BCAS3: variants seen among roughly 807,000 people sequenced by gnomAD.
The protein encoded by BCAS3 is BCAS3 microtubule associated cell migration factor, also known as BCAS4/BCAS3 fusion.
Under a neutral mutation model 116.1 loss-of-function variants are expected in BCAS3, and 53 were observed. The ratio of observed to expected loss-of-function variants is 0.46; its 90% CI spans 0.37 to 0.57. The LOEUF is 0.57. Ranked by LOEUF, BCAS3 falls within the 20% of genes least tolerant of loss-of-function variation. BCAS3 has a pLI of 0.00. For missense variants in BCAS3, 917 were observed against 1,165.4 expected (o/e 0.79, Z 3.10); for synonymous variants, 391 against 408.2 (o/e 0.96, Z 0.51).
At chr17:61,274,308 A>G (rs1184431752) in intron 22 of BCAS3, among the ~76,000 whole-genome samples, 1 of 71,736 alleles carries the variant, frequency 1.4e-5, no homozygotes, top group African/African-American at 6.6e-5. Context: ...TTTTTTTTTG[A>G]GACAAGTTCT....
At chr17:60,988,335 TTTC>T (rs2063294320) in intron 14 of BCAS3, among the ~76,000 whole-genome samples, 1 of 111,936 alleles carries the variant, frequency 8.9e-6, no homozygotes, top group Non-Finnish European at 1.7e-5. Flanking sequence ...TTCTTTTCTT[TTTC>T]TTTTTTTTTT....
chr17:60,974,718 C>T (rs542887250), intron 14 of BCAS3, among the ~76,000 whole-genome samples: 2 of 152,216 alleles, frequency 1.3e-5, no homozygotes, highest in South Asian at 2.1e-4. Context: ...ATTACATAAC[C>T]TAACATAAAT....
At chr17:60,948,367 A>G (rs1043739679) in intron 14 of BCAS3, among the ~76,000 whole-genome samples, 2 of 152,010 alleles carry the variant, frequency 1.3e-5, no homozygotes, top group African/African-American at 2.4e-5. Flanking sequence ...CTCGTGATCC[A>G]CCCACTTCAG....
rs561161392 is a variant in BCAS3, at chr17:61,097,097, G to A, written c.2425+12533G>A. Among the ~76,000 whole-genome samples, 4 of 152,290 alleles carry A rather than the reference G, an allele frequency of 2.6e-5. No individual in the cohort carries two copies. The highest frequency in any genetic ancestry group is 6.5e-5 in the Admixed American group (1 of 15,284). ...TTAATAAACACAAAGAAAACCATAC[G>A]TAGACATATTATAATCAAACTGTTC... On this transcript the variant is annotated intron_variant, in intron 22 of 23. Coordinates refer to ENST00000407086, the MANE Select transcript of BCAS3 (RefSeq NM_017679.5). The surrounding 1 kb of genome is among the most constrained non-coding windows in gnomAD (Gnocchi z 4.0).
Position 60,990,297 on chromosome 17 carries a change from G to A in BCAS3, c.1486+62G>A, listed in dbSNP as rs2063442775. ...CCTTCCCTTTGTCCTTATTTTTACA[G>A]ATCTGGGATAAAACTAAACTTGTTA... On this transcript the variant is annotated intron_variant, in intron 15 of 23. Transcript: ENST00000407086. The surrounding 1 kb of genome is among the most constrained non-coding windows in gnomAD (Gnocchi z 5.1). The A allele has an allele frequency of 5.2e-6, 8 of 1,547,658 alleles. No homozygotes were observed. The highest frequency in any genetic ancestry group is 1.4e-5 in the African/African-American group (1 of 72,754).
At chr17:61,173,656 A>C (rs2078983292) in intron 22 of BCAS3, among the ~76,000 whole-genome samples, 1 of 152,138 alleles carries the variant, frequency 6.6e-6, no homozygotes, top group Non-Finnish European at 1.5e-5. Flanking sequence ...AGGCTGAAGG[A>C]TCACTAGAGG....
intron 15 of BCAS3, among the ~76,000 whole-genome samples, chr17:60,991,200 A>AT (rs1322913070): frequency 1.3e-5 from 2 of 152,166 alleles, no homozygotes; most frequent in Non-Finnish European, 2.9e-5. Context: ...TGTAAATGGA[A>AT]TTGTAGAGTA....
At chr17:60,966,598 G>A (rs1447414281) in intron 14 of BCAS3, among the ~76,000 whole-genome samples, 1 of 150,698 alleles carries the variant, frequency 6.6e-6, no homozygotes, top group Non-Finnish European at 1.5e-5. Flanking sequence ...AAATAGAAGA[G>A]TAGAAACAAA....
chr17:61,206,847 C>T (rs1025560884), intron 22 of BCAS3, among the ~76,000 whole-genome samples: 2 of 148,404 alleles, frequency 1.3e-5, no homozygotes, highest in African/African-American at 4.9e-5. Context: ...GGGGGAATCC[C>T]CTATGAATGT....
chr17:60,739,879 TTTTG>T (rs2041360997), intron 5 of BCAS3, among the ~76,000 whole-genome samples: 1 of 151,832 alleles, frequency 6.6e-6, no homozygotes, highest in African/African-American at 2.4e-5. Context: ...TTTTTTTTGT[TTTTG>T]TTTTTTTTTT....
intron 7 of BCAS3, among the ~76,000 whole-genome samples, chr17:60,853,558 G>A (rs1441444772): frequency 6.6e-6 from 1 of 152,072 alleles, no homozygotes; most frequent in Non-Finnish European, 1.5e-5. Context: ...AGGAAACTTA[G>A]ACAAACATTC....
rs1314882539 is a variant in BCAS3 at position 61,327,215 on chromosome 17, TC to T, written c.2426-41111del. Among the ~76,000 whole-genome samples, 2 of 151,904 alleles carry T rather than the reference TC, an allele frequency of 1.3e-5. No homozygotes were observed. Among genetic ancestry groups the T allele is most frequent in the Non-Finnish European group, 2.9e-5 (2 of 67,970 alleles). On this transcript the variant is annotated intron_variant, in intron 22 of 23. Transcript: ENST00000407086. The surrounding 1 kb of genome is among the most constrained non-coding windows in gnomAD (Gnocchi z 5.9). ...CTACTAGGGAGGCTGAGGCAGGAGA[TC>T]ACTTGAACTCAGGAGGTAGAGGTTG...
chr17:61,173,158 A>G (rs1263765295), intron 22 of BCAS3, among the ~76,000 whole-genome samples: 1 of 151,390 alleles, frequency 6.6e-6, no homozygotes, highest in African/African-American at 2.4e-5. Flanking sequence ...AAAATTAGAA[A>G]TTGTTTTGAG....
At chr17:60,996,844 T>A (rs1305140841) in intron 15 of BCAS3, among the ~76,000 whole-genome samples, 3 of 152,188 alleles carry the variant, frequency 2.0e-5, no homozygotes, top group Non-Finnish European at 4.4e-5. Flanking sequence ...AGAGGCCAAG[T>A]GAATTAATTC....
chr17:60,958,896 C>G (rs1325151407), intron 14 of BCAS3, among the ~76,000 whole-genome samples: 3 of 152,180 alleles, frequency 2.0e-5, no homozygotes, highest in Admixed American at 1.3e-4. Context: ...AAAGATTAGT[C>G]TTTTCCACAA....
rs1308576383 is a variant in BCAS3 at position 61,241,227 on chromosome 17, G to A, written c.2426-127100G>A. Reference sequence around the variant, plus strand: ...TCAGTGAGGACTCTGTTATTACTACGAATTTGTAGGTTGGTATTTAGCTTA... The same window carrying A: ...TCAGTGAGGACTCTGTTATTACTACAAATTTGTAGGTTGGTATTTAGCTTA... On this transcript the variant is annotated intron_variant, in intron 22 of 23. Transcript: ENST00000407086. This position sits in a 1 kb window ranked among gnomAD's most constrained non-coding sequence, Gnocchi z 4.6. 1.3e-5 allele frequency among the ~76,000 whole-genome samples: 2 copies of A among 152,090 alleles called. No homozygotes were observed. Among genetic ancestry groups the A allele is most frequent in the East Asian group, 1.9e-4 (1 of 5,180 alleles).
chr17:61,333,075 AC>A lies in BCAS3; in HGVS notation c.2426-35251del, dbSNP rs2056418934. ...TACACTGCTGCAGCCTGGAGGTTCC[AC>A]AAGCCCTTTCTCATAGACCCCAGCA... On this transcript the variant is annotated intron_variant, in intron 22 of 23. Transcript: ENST00000407086. This position sits in a 1 kb window ranked among gnomAD's most constrained non-coding sequence, Gnocchi z 4.8. Among the ~76,000 whole-genome samples the A allele has an allele frequency of 6.6e-6, 1 of 152,202 alleles. No homozygotes were observed. Among genetic ancestry groups the A allele is most frequent in the Non-Finnish European group, 1.5e-5 (1 of 68,020 alleles).
intron 22 of BCAS3, among the ~76,000 whole-genome samples, chr17:61,225,379 G>A (rs957131141): frequency 3.3e-5 from 5 of 152,036 alleles, no homozygotes; most frequent in Non-Finnish European, 7.4e-5. Context: ...GGTTTTAGCC[G>A]GTGGATACTA....
chr17:60,903,385 G>C (rs574075467), intron 11 of BCAS3, among the ~76,000 whole-genome samples: 1 of 152,176 alleles, frequency 6.6e-6, no homozygotes, highest in Non-Finnish European at 1.5e-5. Context: ...TACATGATGC[G>C]CTTCAGAATG....
Sources: allele counts gnomAD v4.1 joint callset (sites outside exome capture counted in the v4.1 genomes callset), GRCh38; gene constraint gnomAD v4.1.1; non-coding constraint Gnocchi (gnomAD v3.1); transcripts MANE v1.5; gene names NCBI Gene and HGNC (gene_info 2026-07-23, HGNC 2026-07-21).